MCRIP1: variants seen among roughly 807,000 people sequenced by gnomAD.
MCRIP1 encodes the protein mapk-regulated corepressor-interacting protein 1.
A neutral mutation model predicts 14.4 loss-of-function variants in MCRIP1; 10 were observed. That is an observed-to-expected ratio of 0.70 (90% CI 0.43 to 1.18). The LOEUF (loss-of-function observed/expected upper bound fraction) is 1.18. MCRIP1 is among the 50% of genes most tolerant of loss of function. The pLI is 0.00. For synonymous variants in MCRIP1, 53 were observed against 55.7 expected (o/e 0.95, Z 0.21); for missense variants, 119 against 135.4 (o/e 0.88, Z 0.60).
rs572959198 is a variant in MCRIP1, at chr17:81,825,311, G to A, written c.-48-757C>T. 6.2e-6 allele frequency: 7 copies of A among 1,128,302 alleles called. No homozygotes were observed. The African/African-American group carries it at 6.5e-5, about 11-fold the overall frequency. 69.9% of individuals were successfully genotyped at this position (1,128,302 alleles called of 1,614,324 possible). ...ATGGAGTCTATTTTGAGGCTCAGACGCTCACACTGGCAGGCTGGACAGTGT... is the reference window on the plus strand; with the variant it reads ...ATGGAGTCTATTTTGAGGCTCAGACACTCACACTGGCAGGCTGGACAGTGT... On this transcript the variant is annotated intron_variant, in intron 1 of 4. Transcript: ENST00000455127.
At chr17:81,826,247 A>C in intron 1 of MCRIP1, 2 of 1,521,080 alleles carry the variant, frequency 1.3e-6, no homozygotes, top group South Asian at 1.2e-5. Flanking sequence ...ACACACACAC[A>C]CCTGCCCACA....
intron 1 of MCRIP1, among the ~76,000 whole-genome samples, chr17:81,831,247 G>A (rs948337219): frequency 1.3e-5 from 2 of 151,480 alleles, no homozygotes; most frequent in Admixed American, 6.6e-5. Flanking sequence ...GTCTGAGGCA[G>A]GAGAATCGCT....
At chr17:81,824,614 G>A (rs1456902207) in intron 1 of MCRIP1, 60 bp from the exon 2 acceptor site, 3 of 1,534,276 alleles carry the variant, frequency 2.0e-6, no homozygotes, top group South Asian at 1.2e-5. Context: ...CACAGAAGGA[G>A]GGGGAGGCGC....
intron 1 of MCRIP1, chr17:81,824,962 C>T: frequency 9.3e-7 from 1 of 1,074,110 alleles, no homozygotes; most frequent in East Asian, 7.2e-5. Context: ...AGAGGGCCTG[C>T]AGCCCCTCAG....
rs2038328976 is a variant in MCRIP1, at chr17:81,823,966, C to T, written c.127+321G>A. The T allele has an allele frequency of 1.9e-6, 1 of 528,074 alleles. No individual in the cohort carries two copies. The highest frequency in any genetic ancestry group is 3.7e-5 in the Admixed American group (1 of 26,826). The allele number at this position is 528,074 out of a possible 1,614,324, so 32.7% of individuals were successfully genotyped here. A position where few individuals can be genotyped will look rare whatever the true frequency, so the allele number is the denominator to read the frequency against. ...TCTGTCTTCAAAGGCCCCTCCCTTT[C>T]CCCAGCAAACTCCTCCAGTGCTGCT... On this transcript the variant is annotated intron_variant, in intron 3 of 4. Coordinates refer to ENST00000455127, the MANE Select transcript of MCRIP1 (RefSeq NM_207368.5). This position sits in a 1 kb window ranked among gnomAD's most constrained non-coding sequence, Gnocchi z 6.0.
Position 81,823,083 on chromosome 17 carries a change from G to A in MCRIP1, c.*164C>T. On this transcript the variant is annotated 3_prime_UTR_variant, in exon 5 of 5. Transcript: ENST00000455127. The surrounding 1 kb of genome is among the most constrained non-coding windows in gnomAD (Gnocchi z 6.0). ...AGACCCCCAAGGATGAAGGAAGGGG[G>A]CTTGGGAAGGAGAGGCAGGCCTCAG... The A allele has an allele frequency of 1.4e-6, 1 of 692,530 alleles. No homozygotes were observed. Among genetic ancestry groups the A allele is most frequent in the Non-Finnish European group, 2.5e-6 (1 of 399,916 alleles). 42.9% of individuals were successfully genotyped at this position (692,530 alleles called of 1,614,324 possible). A position where few individuals can be genotyped will look rare whatever the true frequency, so the allele number is the denominator to read the frequency against.
intron 1 of MCRIP1, among the ~76,000 whole-genome samples, chr17:81,830,938 G>A (rs1463137512): frequency 6.6e-6 from 1 of 151,876 alleles, no homozygotes; most frequent in Non-Finnish European, 1.5e-5. Flanking sequence ...GGCCAAGGTG[G>A]AAGGATCATC....
In MCRIP1 at chr17:81,822,588, G is replaced by C. The variant is rs527278211; in HGVS notation, c.*659C>G. The C allele has an allele frequency of 6.5e-6, 1 of 153,632 alleles. No individual in the cohort carries two copies. Among genetic ancestry groups the C allele is most frequent in the Admixed American group, 6.5e-5 (1 of 15,464 alleles). The allele number at this position is 153,632 out of a possible 1,614,324, so 9.5% of individuals were successfully genotyped here. A position where few individuals can be genotyped will look rare whatever the true frequency, so the allele number is the denominator to read the frequency against. ...GGTCAGCCTGGGTGCCCCTGCCCAG[G>C]GGCCACTGTGACCGCAGACACCAGG... On this transcript the variant is annotated 3_prime_UTR_variant, in exon 5 of 5. Transcript: ENST00000455127.
Sources: gnomAD v4.1 joint callset for allele counts (sites outside exome capture counted in the v4.1 genomes callset) on GRCh38, gnomAD v4.1.1 for gene constraint, Gnocchi (gnomAD v3.1) non-coding constraint, MANE v1.5 for transcripts, NCBI Gene and HGNC (gene_info 2026-07-23, HGNC 2026-07-21) for gene names.